NSD3: variants seen among roughly 807,000 people sequenced by gnomAD.
NSD3 encodes the protein histone-lysine N-methyltransferase NSD3.
NSD3 carries 24 observed loss-of-function variants against 160.8 expected under a neutral mutation model. The observed-to-expected ratio is 0.15, with a 90% CI of 0.11 to 0.21. The LOEUF (loss-of-function observed/expected upper bound fraction) is 0.21, where lower values mean the gene tolerates loss of function less well. Ranked by LOEUF, NSD3 falls within the 10% of genes least tolerant of loss-of-function variation. The pLI, the probability that NSD3 is intolerant of heterozygous loss-of-function variation, is 1.00. For missense variants in NSD3, 1,157 were observed against 1,735.9 expected (o/e 0.67, Z 5.93); for synonymous variants, 520 against 600.0 (o/e 0.87, Z 1.95).
intron 2 of NSD3, among the ~76,000 whole-genome samples, chr8:38,339,919 T>C (rs1344373850): frequency 2.0e-5 from 3 of 152,178 alleles, no homozygotes; most frequent in Non-Finnish European, 4.4e-5. Context: ...ATGTCAGTAA[T>C]CTGCATGTCT....
rs115252992 is a variant in NSD3, at chr8:38,285,093, G to A, written c.3501+3394C>T. 2.7e-3 allele frequency among the ~76,000 whole-genome samples: 404 copies of A among 152,178 alleles called. 5 individuals carry two copies. The highest frequency in any genetic ancestry group is 9.1e-3 in the African/African-American group (377 of 41,516). ...TGCTACAGATCTGTCCTGAAAGACC[G>A]CAGCAAAGAGGCTGTCAGTCAATAT... On this transcript the variant is annotated intron_variant, in intron 19 of 23. Coordinates refer to ENST00000317025, the MANE Select transcript of NSD3 (RefSeq NM_023034.2).
Position 38,272,135 on chromosome 8 carries a change from G to C in NSD3, c.*3506C>G, listed in dbSNP as rs187549005. 3 of 152,318 alleles carry C rather than the reference G, an allele frequency of 2.0e-5. No individual in the cohort carries two copies. Among genetic ancestry groups the C allele is most frequent in the Non-Finnish European group, 4.4e-5 (3 of 68,026 alleles). The allele number at this position is 152,318 out of a possible 1,614,324, so 9.4% of individuals were successfully genotyped here. ...ATACTCAATATCTCAGTTCCACAAC[G>C]TTATTTACAGACATGTTTTCAAATA... On this transcript the variant is annotated 3_prime_UTR_variant, in exon 24 of 24. Transcript: ENST00000317025.
rs1239576021 is a variant in NSD3 at position 38,304,767 on chromosome 8, G to A, written c.2441-10C>T. 4 of 1,587,820 alleles carry A rather than the reference G, an allele frequency of 2.5e-6. No individual in the cohort carries two copies. Among genetic ancestry groups the A allele is most frequent in the Admixed American group, 3.7e-5 (2 of 53,744 alleles). ...CATCTCATCATGCGGCCTGTTTAAAGACAAGTCAAAAAGGAATCTAATAAG... is the reference window on the plus strand; with the variant it reads ...CATCTCATCATGCGGCCTGTTTAAAAACAAGTCAAAAAGGAATCTAATAAG... On this transcript the variant is annotated splice_polypyrimidine_tract_variant and intron_variant, in intron 13 of 23. Coordinates refer to ENST00000317025, the MANE Select transcript of NSD3 (RefSeq NM_023034.2).
rs1359045068 is a variant in NSD3 at position 38,278,308 on chromosome 8, T to G, written c.3865A>C (p.Lys1289Gln). ...GGGCGCTCCCCTGCAAGACTGACCT[T>G]TGGCCGCACTCCTAGAAAACCACTG... Reference protein sequence around the residue: ...NCSGFLGVRPKSACASTNEEK... With the variant: ...NCSGFLGVRPQSACASTNEEK... Residue 1289 changes from lysine (K) to glutamine (Q), a missense_variant and splice_region_variant, in exon 22 of 24, where the codon AAG becomes CAG. Lys to Gln is a moderately conservative substitution (Grantham distance 53, BLOSUM62 1). Transcript: ENST00000317025. 1 of 1,613,730 alleles carries G rather than the reference T, an allele frequency of 6.2e-7. No individual in the cohort carries two copies. The highest frequency in any genetic ancestry group is 8.5e-7 in the Non-Finnish European group (1 of 1,179,898).
At chr8:38,352,109 A>G (rs894354411) in intron 1 of NSD3, among the ~76,000 whole-genome samples, 3 of 152,108 alleles carry the variant, frequency 2.0e-5, no homozygotes, top group Non-Finnish European at 2.9e-5. Context: ...TAATAGATTA[A>G]TAATAGACTG....
In NSD3 at chr8:38,275,017, G is replaced by A. The variant is rs747649565; in HGVS notation, c.*624C>T. 19 of 223,864 alleles carry A rather than the reference G, an allele frequency of 8.5e-5. No homozygotes were observed. Among genetic ancestry groups the A allele is most frequent in the South Asian group, 1.8e-4 (1 of 5,434 alleles). 13.9% of individuals were successfully genotyped at this position (223,864 alleles called of 1,614,324 possible). A position where few individuals can be genotyped will look rare whatever the true frequency, so the allele number is the denominator to read the frequency against. ...TAAGACCACAGAGGTAAAATCCACC[G>A]AGGCATTGTTTTCAAGAGGCCAGAT... On this transcript the variant is annotated 3_prime_UTR_variant, in exon 24 of 24. Coordinates refer to ENST00000317025, the MANE Select transcript of NSD3 (RefSeq NM_023034.2).
chr8:38,341,638 T>C (rs1810369284), intron 2 of NSD3, among the ~76,000 whole-genome samples: 3 of 151,916 alleles, frequency 2.0e-5, no homozygotes, highest in Non-Finnish European at 4.4e-5. Context: ...AGGAGTAGCA[T>C]GTGTGAGATA....
intron 1 of NSD3, among the ~76,000 whole-genome samples, chr8:38,370,128 C>CGGCTTA (rs1368873931): frequency 6.6e-6 from 1 of 152,110 alleles, no homozygotes; most frequent in Non-Finnish European, 1.5e-5. Flanking sequence ...TTTTGTTAAA[C>CGGCTTA]GGCTTAAGCG....
chr8:38,364,277 AAACAACAACAACAAC>A (rs10672618), intron 1 of NSD3, among the ~76,000 whole-genome samples: 2 of 149,408 alleles, frequency 1.3e-5, no homozygotes, highest in South Asian at 2.1e-4. Flanking sequence ...ACTCCGTCTC[AAACAACAACAACAAC>A]AACAACAACA....
At chr8:38,373,538 C>T (rs1811310071) in intron 1 of NSD3, among the ~76,000 whole-genome samples, 1 of 152,090 alleles carries the variant, frequency 6.6e-6, no homozygotes, top group Admixed American at 6.6e-5. Context: ...TTTCTTAAGC[C>T]TCCACAGCTA....
At chr8:38,289,564 A>G (rs1808950183) in intron 17 of NSD3, 59 bp from the exon 18 acceptor site, 1 of 1,502,028 alleles carries the variant, frequency 6.7e-7, no homozygotes, top group Non-Finnish European at 9.1e-7. Context: ...AATTGATGGG[A>G]TAGTAGTTTT....
rs555677528 is a variant in NSD3 at position 38,328,385 on chromosome 8, C to T, written c.1581+993G>A. On this transcript the variant is annotated intron_variant, in intron 6 of 23. Coordinates refer to ENST00000317025, the MANE Select transcript of NSD3 (RefSeq NM_023034.2). ...TTGTACTCAAAAAAGATGCAACATA[C>T]TCATTTGCTATTTGAAAGATGAAAA... Among the ~76,000 whole-genome samples the T allele has an allele frequency of 1.1e-4, 17 of 152,250 alleles. No homozygotes were observed. In the East Asian group the frequency reaches 3.1e-3, roughly 28 times the overall value.
At chr8:38,306,833 G>A (rs987341008) in intron 12 of NSD3, among the ~76,000 whole-genome samples, 3 of 152,076 alleles carry the variant, frequency 2.0e-5, no homozygotes, top group African/African-American at 7.2e-5. Context: ...AGAAAAAAAC[G>A]GCCAGGCGCG....
At chr8:38,295,227 G>A (rs892908847) in intron 16 of NSD3, among the ~76,000 whole-genome samples, 9 of 147,312 alleles carry the variant, frequency 6.1e-5, no homozygotes, top group African/African-American at 1.0e-4. Context: ...CCAAAATCTA[G>A]TAGTACATAG....
intron 12 of NSD3, among the ~76,000 whole-genome samples, chr8:38,313,677 A>G (rs1809587366): frequency 1.3e-5 from 2 of 151,596 alleles, no homozygotes; most frequent in Non-Finnish European, 2.9e-5. Context: ...AGTCCCAGCT[A>G]CTCGGGAGGC....
Position 38,321,400 on chromosome 8 carries a change from C to T in NSD3, c.1709-228G>A, listed in dbSNP as rs74302890. Among the ~76,000 whole-genome samples, 15,354 of 152,068 alleles carry T rather than the reference C, an allele frequency of 0.1. 995 individuals are homozygous for T. Among genetic ancestry groups the T allele is most frequent in the Middle Eastern group, 0.15 (43 of 294 alleles). On this transcript the variant is annotated intron_variant, in intron 7 of 23. Coordinates refer to ENST00000317025, the MANE Select transcript of NSD3 (RefSeq NM_023034.2). The surrounding 1 kb of genome is among the most constrained non-coding windows in gnomAD (Gnocchi z 4.7). The stretch of plus-strand genomic sequence containing the variant: ...GATTCACAAAGGGTCCTAAATTATA[C>T]AAATAAAGGGGGATTGGTTTTTTAA...
At chr8:38,280,913 T>C (rs1427042345) in intron 20 of NSD3, among the ~76,000 whole-genome samples, 2 of 151,978 alleles carry the variant, frequency 1.3e-5, no homozygotes, top group Non-Finnish European at 2.9e-5. Flanking sequence ...CCACCACACC[T>C]GGCTAACTTT....
intron 6 of NSD3, 52 bp from the exon 7 acceptor site, chr8:38,326,908 G>A: frequency 6.2e-7 from 1 of 1,603,098 alleles, no homozygotes; most frequent in Non-Finnish European, 8.5e-7. Flanking sequence ...TACCAGGCAA[G>A]TGGCATCATG....
chr8:38,325,275 T>C (rs530128275), intron 7 of NSD3, among the ~76,000 whole-genome samples: 2 of 152,310 alleles, frequency 1.3e-5, no homozygotes, highest in South Asian at 2.1e-4. Context: ...AGCTGGTCAG[T>C]GTGGGAAAAC....
Sources: gnomAD v4.1 joint callset for allele counts (sites outside exome capture counted in the v4.1 genomes callset) on GRCh38, gnomAD v4.1.1 for gene constraint, Gnocchi (gnomAD v3.1) non-coding constraint, MANE v1.5 for transcripts, NCBI Gene and HGNC (gene_info 2026-07-23, HGNC 2026-07-21) for gene names.